The following RFX7 variants were observed in gnomAD, a reference collection of about 807,000 sequenced individuals.
RFX7 encodes the protein DNA-binding protein RFX7.
RFX7 carries 26 observed loss-of-function variants against 111.8 expected under a neutral mutation model. That is an observed-to-expected ratio of 0.23 (90% CI 0.17 to 0.32). The LOEUF (loss-of-function observed/expected upper bound fraction) is 0.32, where lower values mean the gene tolerates loss of function less well. Ranked by LOEUF, RFX7 falls within the 10% of genes least tolerant of loss-of-function variation. The pLI is 1.00. For synonymous variants in RFX7, 624 were observed against 624.4 expected (o/e 1.00, Z 0.01); for missense variants, 1,573 against 1,772.9 (o/e 0.89, Z 2.02).
At chr15:56,119,041 A>G (rs2042043148) in intron 5 of RFX7, among the ~76,000 whole-genome samples, 1 of 151,834 alleles carries the variant, frequency 6.6e-6, no homozygotes, top group South Asian at 2.1e-4. Flanking sequence ...AAATTATTAG[A>G]TTTTTTTTCT....
rs1449948959 is a variant in RFX7 at position 56,090,123 on chromosome 15, T to C, written c.*3222A>G. The C allele has an allele frequency of 6.6e-6, 1 of 152,196 alleles. No individual in the cohort carries two copies. Among genetic ancestry groups the C allele is most frequent in the East Asian group, 1.9e-4 (1 of 5,202 alleles). The allele number at this position is 152,196 out of a possible 1,614,324, so 9.4% of individuals were successfully genotyped here. ...ATTCATTACACTTATCAGTTTGTTATTTCTGGTACCTGGAAATGTCTATAC... is the reference window on the plus strand; with the variant it reads ...ATTCATTACACTTATCAGTTTGTTACTTCTGGTACCTGGAAATGTCTATAC... On this transcript the variant is annotated 3_prime_UTR_variant, in exon 10 of 10. Coordinates refer to ENST00000559447, the MANE Select transcript of RFX7 (RefSeq NM_022841.7).
intron 5 of RFX7, among the ~76,000 whole-genome samples, chr15:56,139,308 C>G (rs1299336370): frequency 6.6e-6 from 1 of 151,844 alleles, no homozygotes; most frequent in Non-Finnish European, 1.5e-5. Flanking sequence ...GGAGGCTTTG[C>G]TCATTTCTTT....
intron 2 of RFX7, among the ~76,000 whole-genome samples, chr15:56,226,697 TGA>T (rs2141223641): frequency 1.3e-5 from 2 of 152,332 alleles, no homozygotes; most frequent in Non-Finnish European, 2.9e-5. Context: ...TTAAGCATTG[TGA>T]TAAGACCTGC....
At chr15:56,233,114 G>A (rs560823380) in intron 2 of RFX7, among the ~76,000 whole-genome samples, 18 of 152,198 alleles carry the variant, frequency 1.2e-4, no homozygotes, top group South Asian at 2.1e-4. Context: ...TTTTCACACC[G>A]TTGATAAAGA....
intron 2 of RFX7, among the ~76,000 whole-genome samples, chr15:56,217,993 ACACT>A (rs1258081134): frequency 5.9e-5 from 9 of 152,098 alleles, no homozygotes. Context: ...CAAATTGAAA[ACACT>A]CAGGGGGAAA....
intron 2 of RFX7, among the ~76,000 whole-genome samples, chr15:56,231,141 G>A (rs2043551986): frequency 6.6e-6 from 1 of 152,178 alleles, no homozygotes; most frequent in Non-Finnish European, 1.5e-5. Flanking sequence ...ATAGCAAGAA[G>A]GCTTATTTTG....
intron 3 of RFX7, 29 bp from the exon 4 acceptor site, chr15:56,144,512 C>A (rs997862681): frequency 7.9e-7 from 1 of 1,273,462 alleles, no homozygotes; most frequent in Non-Finnish European, 1.1e-6. Flanking sequence ...AAAGAAAGAT[C>A]ATTTTTAAAA....
intron 5 of RFX7, among the ~76,000 whole-genome samples, chr15:56,105,564 CA>C (rs1220935537): frequency 1.3e-5 from 2 of 152,118 alleles, no homozygotes; most frequent in African/African-American, 4.8e-5. Flanking sequence ...ATCAAATAAA[CA>C]GAGGCAGTGT....
chr15:56,222,740 G>C (rs571467652), intron 2 of RFX7, among the ~76,000 whole-genome samples: 7 of 152,134 alleles, frequency 4.6e-5, no homozygotes, highest in Non-Finnish European at 1.0e-4. Flanking sequence ...AAATCTTTGA[G>C]CCTATTTACC....
chr15:56,244,188 CAAGTA>C (rs1444660873), upstream of RFX7: 3 of 152,212 alleles, frequency 2.0e-5, no homozygotes, highest in African/African-American at 4.8e-5. Context: ...ATCTTCAAAG[CAAGTA>C]AAGAGAAATC....
At chr15:56,114,973 G>T (rs1251188711) in intron 5 of RFX7, among the ~76,000 whole-genome samples, 1 of 151,986 alleles carries the variant, frequency 6.6e-6, no homozygotes, top group East Asian at 1.9e-4. Flanking sequence ...AGTTCTCATG[G>T]CCTATGAAGA....
At chr15:56,242,746 C>T (rs2043715684) in intron 2 of RFX7, among the ~76,000 whole-genome samples, 2 of 152,194 alleles carry the variant, frequency 1.3e-5, no homozygotes, top group South Asian at 4.1e-4. Context: ...ACACTTCTTC[C>T]TCCTTCTATG....
rs1423247695 is a variant in RFX7 at position 56,089,239 on chromosome 15, G to A, written c.*4106C>T. ...GATTCTGAGATTTTTTTTTCTCTCT[G>A]ATAAAAGGCTAAGAACTGCTCTTAC... is the stretch of plus-strand genomic sequence containing the variant. On this transcript the variant is annotated 3_prime_UTR_variant, in exon 10 of 10. Transcript: ENST00000559447. The A allele has an allele frequency of 1.3e-5, 2 of 152,432 alleles. No individual in the cohort carries two copies. Among genetic ancestry groups the A allele is most frequent in the African/African-American group, 4.8e-5 (2 of 41,392 alleles). The allele number at this position is 152,432 out of a possible 1,614,324, so 9.4% of individuals were successfully genotyped here.
chr15:56,192,959 T>C (rs1350706335), intron 2 of RFX7: 5 of 188,744 alleles, frequency 2.6e-5, no homozygotes, highest in Admixed American at 1.6e-4. Flanking sequence ...GTCTGTGCTG[T>C]GGACTACGGA....
intron 5 of RFX7, among the ~76,000 whole-genome samples, chr15:56,117,066 T>C (rs746261863): frequency 7.2e-5 from 11 of 152,190 alleles, no homozygotes; most frequent in Non-Finnish European, 1.0e-4. Context: ...ATTATGGTAA[T>C]GTTTAGTTTC....
intron 2 of RFX7, among the ~76,000 whole-genome samples, chr15:56,219,399 G>C (rs1324206942): frequency 6.6e-6 from 1 of 151,956 alleles, no homozygotes; most frequent in Non-Finnish European, 1.5e-5. Context: ...AGATTCAGGG[G>C]TACACGTGCA....
Position 56,087,699 on chromosome 15 carries a change from C to T in RFX7, c.*5646G>A, listed in dbSNP as rs1166463165. 2 of 371,366 alleles carry T rather than the reference C, an allele frequency of 5.4e-6. No homozygotes were observed. The highest frequency in any genetic ancestry group is 3.4e-5 in the Admixed American group (1 of 29,570). 23.0% of individuals were successfully genotyped at this position (371,366 alleles called of 1,614,324 possible). A position where few individuals can be genotyped will look rare whatever the true frequency, so the allele number is the denominator to read the frequency against. On this transcript the variant is annotated 3_prime_UTR_variant, in exon 10 of 10. Coordinates refer to ENST00000559447, the MANE Select transcript of RFX7 (RefSeq NM_022841.7). Reference sequence around the variant, plus strand: ...GCATACTACTGGTAAGTATCCGCCTCTGCTATAGTGACCTCATTGCATCCT... The same window carrying T: ...GCATACTACTGGTAAGTATCCGCCTTTGCTATAGTGACCTCATTGCATCCT...
chr15:56,140,224 G>C (rs1209880642), intron 5 of RFX7, among the ~76,000 whole-genome samples: 1 of 152,068 alleles, frequency 6.6e-6, no homozygotes, highest in South Asian at 2.1e-4. Context: ...CCTCGCTGTC[G>C]CCTTGCAGTT....
chr15:56,189,897 A>G (rs572051153), intron 2 of RFX7: 1 of 152,358 alleles, frequency 6.6e-6, no homozygotes, highest in Admixed American at 6.5e-5. Context: ...GAAGAAAAAG[A>G]ATGTTCATAG....
Sources: gnomAD v4.1 joint callset for allele counts (sites outside exome capture counted in the v4.1 genomes callset) on GRCh38, gnomAD v4.1.1 for gene constraint, MANE v1.5 for transcripts, NCBI Gene and HGNC (gene_info 2026-07-23, HGNC 2026-07-21) for gene names.